PMM2: variants seen among roughly 807,000 people sequenced by gnomAD.
The protein encoded by PMM2 is phosphomannomutase 2.
PMM2 carries 35 observed loss-of-function variants against 33.2 expected under a neutral mutation model. The ratio of observed to expected loss-of-function variants is 1.06; its 90% CI spans 0.81 to 1.40. The LOEUF is 1.40. PMM2 is among the 40% of genes most tolerant of loss of function. The pLI is 0.00. For missense variants in PMM2, 386 were observed against 306.0 expected, an observed-to-expected ratio of 1.26 and a Z score of -1.95; for synonymous variants, 153 against 114.7, an observed-to-expected ratio of 1.33 and a Z score of -2.13.
rs373374718 is a variant in PMM2 at position 8,805,816 on chromosome 16, A to G, written c.256-500A>G. On this transcript the variant is annotated intron_variant, in intron 3 of 7. Transcript: ENST00000268261. ...TGTTTGCCAGGCTGGTCTCGAGCTC[A>G]TGACTTGAAGTCATCCACCTGCCTC... 3.4e-4 allele frequency among the ~76,000 whole-genome samples: 52 copies of G among 152,152 alleles called. No homozygotes were observed. The East Asian group carries it at 8.9e-3, about 26-fold the overall frequency.
At position 8,797,889 on chromosome 16, in the gene PMM2, G is replaced by A. The variant is rs979244904; in HGVS notation, c.7G>A (p.Ala3Thr). The A allele has an allele frequency of 3.1e-6, 5 of 1,611,698 alleles. No homozygotes were observed. Among genetic ancestry groups the A allele is most frequent in the Non-Finnish European group, 4.2e-6 (5 of 1,179,294 alleles). Residue 3 changes from alanine to threonine, a missense_variant, in exon 1 of 8, where the codon GCG (alanine) becomes ACG (threonine). Coordinates refer to ENST00000268261, the MANE Select transcript of PMM2 (RefSeq NM_000303.3). MAAPGPALCLFDV... is the reference protein window; with the variant it reads MATPGPALCLFDV... Reference sequence around the variant, plus strand: ...GCGGCTAGAAACTGGGGACATGGCAGCGCCTGGCCCAGCGCTCTGCCTCTT... The same window carrying A: ...GCGGCTAGAAACTGGGGACATGGCAACGCCTGGCCCAGCGCTCTGCCTCTT...
At chr16:8,810,946 A>G (rs1245225245) in intron 4 of PMM2, 133 bp from the exon 5 acceptor site, 1 of 702,580 alleles carries the variant, frequency 1.4e-6, no homozygotes. Context: ...CATATTACAT[A>G]GCACAGAGCT....
At chr16:8,800,974 T>C (rs1455746548) in intron 1 of PMM2, among the ~76,000 whole-genome samples, 2 of 152,232 alleles carry the variant, frequency 1.3e-5, no homozygotes, top group Admixed American at 1.3e-4. Flanking sequence ...TGAGCCTCCA[T>C]GTCTGGCCCT....
chr16:8,832,192 G>C (rs746250824), intron 7 of PMM2: 31 of 985,312 alleles, frequency 3.1e-5, no homozygotes, highest in Non-Finnish European at 3.6e-5. Context: ...CATGCTCTGA[G>C]AGTCACAAAG....
At chr16:8,834,166 A>G (rs1596501186) in intron 7 of PMM2, among the ~76,000 whole-genome samples, 1 of 152,172 alleles carries the variant, frequency 6.6e-6, no homozygotes, top group Non-Finnish European at 1.5e-5. Flanking sequence ...GAATTCTGAG[A>G]AGGGAAAGTG....
chr16:8,846,147 C>G (rs995985292), intron 7 of PMM2, among the ~76,000 whole-genome samples: 4 of 152,200 alleles, frequency 2.6e-5, no homozygotes, highest in African/African-American at 9.7e-5. Flanking sequence ...CCACCCAGCA[C>G]TCCCTGGGCC....
chr16:8,819,709 A>AG (rs2060726959), intron 7 of PMM2, among the ~76,000 whole-genome samples: 1 of 151,192 alleles, frequency 6.6e-6, no homozygotes, highest in South Asian at 2.1e-4. Context: ...AAAAAAAAAA[A>AG]ACAATAAAAA....
intron 7 of PMM2, among the ~76,000 whole-genome samples, chr16:8,827,759 T>TATATGC (rs1437300855): frequency 2.0e-4 from 15 of 75,300 alleles, no homozygotes; most frequent in Non-Finnish European, 3.6e-4. Flanking sequence ...TATATATATA[T>TATATGC]ATGCACACAT....
chr16:8,830,234 G>C (rs1454130272), intron 7 of PMM2, among the ~76,000 whole-genome samples: 1 of 152,188 alleles, frequency 6.6e-6, no homozygotes, highest in African/African-American at 2.4e-5. Context: ...GGAGGCTACT[G>C]AATCGCTGGA....
intron 4 of PMM2, chr16:8,808,350 G>A (rs961962161): frequency 1.3e-5 from 2 of 151,864 alleles, no homozygotes; most frequent in African/African-American, 4.8e-5. Context: ...TTTTACTTTG[G>A]GCTGAGCACT....
intron 7 of PMM2, among the ~76,000 whole-genome samples, chr16:8,816,824 C>G (rs1335422123): frequency 6.6e-6 from 1 of 152,146 alleles, no homozygotes; most frequent in Non-Finnish European, 1.5e-5. Context: ...AATGTCATAG[C>G]TATGATGGAA....
intron 7 of PMM2, among the ~76,000 whole-genome samples, chr16:8,847,489 TA>T (rs1208414041): frequency 6.6e-6 from 1 of 151,988 alleles, no homozygotes; most frequent in Non-Finnish European, 1.5e-5. Flanking sequence ...ATGGCTCTCA[TA>T]GGCATAATTA....
intron 7 of PMM2, among the ~76,000 whole-genome samples, chr16:8,833,936 ACAGTGTAAACCGG>A (rs539404753): frequency 0.01 from 1,521 of 150,996 alleles, 51 homozygotes; most frequent in African/African-American, 0.036. Context: ...GCTTGGAGAA[ACAGTGTAAACCGG>A]CAGTGTAAAC....
chr16:8,808,938 G>A (rs960619240), intron 4 of PMM2: 2 of 152,246 alleles, frequency 1.3e-5, no homozygotes, highest in African/African-American at 2.4e-5. Flanking sequence ...TCTGCAAGTT[G>A]AGCAAAATAG....
At chr16:8,847,191 A>G (rs1169218523) in intron 7 of PMM2, among the ~76,000 whole-genome samples, 2 of 152,074 alleles carry the variant, frequency 1.3e-5, no homozygotes, top group Non-Finnish European at 2.9e-5. Context: ...ATTAAAATCA[A>G]ATTAACTGAG....
At chr16:8,824,308 A>G (rs919520415) in intron 7 of PMM2, among the ~76,000 whole-genome samples, 1 of 152,202 alleles carries the variant, frequency 6.6e-6, no homozygotes, top group African/African-American at 2.4e-5. Flanking sequence ...CCATTAGAGT[A>G]CTATATCTGA....
intron 7 of PMM2, among the ~76,000 whole-genome samples, chr16:8,844,288 G>A (rs2060909406): frequency 6.6e-6 from 1 of 152,058 alleles, no homozygotes; most frequent in Non-Finnish European, 1.5e-5. Flanking sequence ...TGCCCATAGT[G>A]AAGGAGGCAA....
intron 7 of PMM2, among the ~76,000 whole-genome samples, chr16:8,831,349 T>A (rs1241870615): frequency 6.6e-6 from 1 of 152,056 alleles, no homozygotes; most frequent in African/African-American, 2.4e-5. Flanking sequence ...TGATAAATAC[T>A]TGTTAAACAA....
At chr16:8,832,355 C>T in intron 7 of PMM2, 7 of 985,404 alleles carry the variant, frequency 7.1e-6, no homozygotes, top group Non-Finnish European at 8.4e-6. Flanking sequence ...GGGAGGATTT[C>T]ACCTTCCTGG....
Sources: gnomAD v4.1 joint callset for allele counts (sites outside exome capture counted in the v4.1 genomes callset) on GRCh38, gnomAD v4.1.1 for gene constraint, MANE v1.5 for transcripts, NCBI Gene and HGNC (gene_info 2026-07-23, HGNC 2026-07-21) for gene names.